The following DNAJB11 variants were observed in gnomAD, a reference collection of about 807,000 sequenced individuals.
The protein encoded by DNAJB11 is DnaJ heat shock protein family (Hsp40) member B11, also known as dnaJ homolog subfamily B member 11.
Under a neutral mutation model 47.2 loss-of-function variants are expected in DNAJB11, and 30 were observed. The ratio of observed to expected loss-of-function variants is 0.64; its 90% confidence interval spans 0.48 to 0.86. The LOEUF (loss-of-function observed/expected upper bound fraction) is 0.86, where lower values mean the gene tolerates loss of function less well. Ranked by LOEUF, DNAJB11 falls within the 40% of genes least tolerant of loss-of-function variation. The pLI, the probability that DNAJB11 is intolerant of heterozygous loss-of-function variation, is 0.00. For synonymous variants in DNAJB11, 151 were observed against 159.9 expected (o/e 0.94, Z 0.42); for missense variants, 357 against 440.2 (o/e 0.81, Z 1.69).
At position 186,584,156 on chromosome 3, in the gene DNAJB11, A is replaced by T. The variant is rs137926343; in HGVS notation, c.852+180A>T. On this transcript the variant is annotated intron_variant, in intron 8 of 9. Transcript: ENST00000265028. ...AATAACAGTGCCAGACCTTTCAGCT[A>T]CTCAGAATGGATTGCACGGCCTTTG... 1.9e-3 allele frequency among the ~76,000 whole-genome samples: 285 copies of T among 152,318 alleles called. 1 individual carries two copies. Among genetic ancestry groups the T allele is most frequent in the African/African-American group, 6.3e-3 (261 of 41,558 alleles).
intron 4 of DNAJB11, chr3:186,579,248 TCTTAA>T (rs1715402823): frequency 6.6e-6 from 1 of 152,264 alleles, no homozygotes; most frequent in African/African-American, 2.4e-5. Context: ...TTCTGTCTGC[TCTTAA>T]CTTTCTTTTA....
chr3:186,581,625 T>A, intron 5 of DNAJB11, 112 bp downstream of exon 5: 1 of 1,247,142 alleles, frequency 8.0e-7, no homozygotes. Context: ...CCCACTGCCA[T>A]GTTCTGCAAA....
chr3:186,576,325 G>A (rs908356625), intron 3 of DNAJB11, among the ~76,000 whole-genome samples: 1 of 152,178 alleles, frequency 6.6e-6, no homozygotes, highest in Non-Finnish European at 1.5e-5. Context: ...TCTCTTTCGT[G>A]CTATCAACAA....
At chr3:186,571,097 C>A in intron 1 of DNAJB11, 132 bp downstream of exon 1, 2 of 795,372 alleles carry the variant, frequency 2.5e-6, no homozygotes, top group Non-Finnish European at 3.9e-6. Flanking sequence ...GGCGGGGTGG[C>A]GGAGGAAGGG....
At chr3:186,584,077 C>T in intron 8 of DNAJB11, 101 bp downstream of exon 8, 1 of 849,572 alleles carries the variant, frequency 1.2e-6, no homozygotes, top group Non-Finnish European at 2.0e-6. Flanking sequence ...CAGATGGACT[C>T]CTTTCTTGGT....
At chr3:186,582,567 A>G (rs1715521123) in intron 6 of DNAJB11, 149 bp from the exon 7 acceptor site, 1 of 653,228 alleles carries the variant, frequency 1.5e-6, no homozygotes, top group African/African-American at 1.8e-5. Context: ...ATAATCTGAA[A>G]CTTGATACAA....
intron 4 of DNAJB11, chr3:186,579,089 T>A (rs11714927): frequency 0.48 from 72,222 of 152,038 alleles, 20,935 homozygotes; most frequent in East Asian, 0.75. Context: ...CTGAAACTCA[T>A]CTCTGGAAAA....
chr3:186,570,949 G>C lies in DNAJB11; in HGVS notation c.52G>C (p.Gly18Arg). Reference sequence around the variant, plus strand: ...TTGCCTGTTGCTGCTATACCTCATCGGGGCGGTGATTGCCGGGTGAGGAAC... The same window carrying C: ...TTGCCTGTTGCTGCTATACCTCATCCGGGCGGTGATTGCCGGGTGAGGAAC... Reference protein sequence around the residue: ...TFCLLLLYLIGAVIAGRDFYK... With the variant: ...TFCLLLLYLIRAVIAGRDFYK... Residue 18 changes from glycine to arginine, a missense_variant, in exon 1 of 10, where the codon GGG (glycine) becomes CGG (arginine). Gly to Arg is a moderately radical substitution (Grantham distance 125, BLOSUM62 -2). Transcript: ENST00000265028. 1.3e-6 allele frequency: 2 copies of C among 1,597,170 alleles called. No homozygotes were observed. The highest frequency in any genetic ancestry group is 2.3e-5 in the East Asian group (1 of 43,120).
At position 186,570,888 on chromosome 3, in the gene DNAJB11, C is replaced by G; in HGVS notation, c.-10C>G. Reference sequence around the variant, plus strand: ...GGAGTGTGTGGAACAGGACCCGGGACAGAGGAACCATGGCTCCGCAGAACC... The same window carrying G: ...GGAGTGTGTGGAACAGGACCCGGGAGAGAGGAACCATGGCTCCGCAGAACC... On this transcript the variant is annotated 5_prime_UTR_variant, in exon 1 of 10. Transcript: ENST00000265028. The G allele has an allele frequency of 1.9e-6, 3 of 1,603,572 alleles. No individual in the cohort carries two copies. The highest frequency in any genetic ancestry group is 1.1e-5 in the South Asian group (1 of 89,264).
At chr3:186,577,553 T>G in intron 3 of DNAJB11, 115 bp from the exon 4 acceptor site, 1 of 958,528 alleles carries the variant, frequency 1.0e-6, no homozygotes, top group Non-Finnish European at 1.5e-6. Flanking sequence ...CCTTGTAGTT[T>G]TGCACAATGC....
At chr3:186,581,296 G>C in intron 4 of DNAJB11, 75 bp from the exon 5 acceptor site, 1 of 1,543,782 alleles carries the variant, frequency 6.5e-7, no homozygotes, top group Non-Finnish European at 8.8e-7. Context: ...CATATGTGCA[G>C]AGCCTTGATC....
chr3:186,573,355 A>G lies in DNAJB11; in HGVS notation c.225+1104A>G, dbSNP rs181980364. Among the ~76,000 whole-genome samples, 19 of 152,146 alleles carry G rather than the reference A, an allele frequency of 1.2e-4. No individual in the cohort carries two copies. In the East Asian group the frequency reaches 2.3e-3, roughly 19 times the overall value. On this transcript the variant is annotated intron_variant, in intron 2 of 9. Coordinates refer to ENST00000265028, the MANE Select transcript of DNAJB11 (RefSeq NM_016306.6). ...GCTGTTGGGGTCCTTTCATCTTTCA[A>G]CACCTTCAGGGATCCTATGGGGCAG...
chr3:186,583,935 G>A lies in DNAJB11; in HGVS notation c.811G>A (p.Val271Ile), dbSNP rs1193228761. ...GACAATCTCATTAGTTGAGTCACTG[G>A]TTGGCTTTGAGATGGATATTACTCA... is the stretch of plus-strand genomic sequence containing the variant. ...NVTISLVESL[V>I]GFEMDITHLD... is the part of the protein sequence containing the mutation. Residue 271 changes from valine (V) to isoleucine (I), a missense_variant, in exon 8 of 10, where the codon GTT becomes ATT. By Grantham distance (29) the Val-to-Ile change is conservative (BLOSUM62 3). Coordinates refer to ENST00000265028, the MANE Select transcript of DNAJB11 (RefSeq NM_016306.6). The A allele has an allele frequency of 1.2e-6, 2 of 1,613,668 alleles. No homozygotes were observed. Among genetic ancestry groups the A allele is most frequent in the Middle Eastern group, 1.6e-4 (1 of 6,084 alleles).
At position 186,581,518 on chromosome 3, in the gene DNAJB11, G is replaced by C; in HGVS notation, c.599+5G>C. The stretch of plus-strand genomic sequence containing the variant: ...CGACGAATGCCCTAATGTCAAGTAA[G>C]TGAAAGCACCTTCTTTGTTCTACCA... On this transcript the variant is annotated splice_donor_5th_base_variant and intron_variant, in intron 5 of 9. Coordinates refer to ENST00000265028, the MANE Select transcript of DNAJB11 (RefSeq NM_016306.6). 6.2e-7 allele frequency: 1 copy of C among 1,609,518 alleles called. No homozygotes were observed. Among genetic ancestry groups the C allele is most frequent in the Non-Finnish European group, 8.5e-7 (1 of 1,178,438 alleles).
chr3:186,570,830 G>A lies in DNAJB11; in HGVS notation c.-68G>A. 1 of 1,503,462 alleles carries A rather than the reference G, an allele frequency of 6.7e-7. No homozygotes were observed. The highest frequency in any genetic ancestry group is 9.0e-7 in the Non-Finnish European group (1 of 1,105,066). 93.1% of individuals were successfully genotyped at this position (1,503,462 alleles called of 1,614,324 possible). ...GCGGCCTCACAGGGCCGGGTGGGCT[G>A]GCGAGCCGACGCGGCGGCGGAGGAG... is the stretch of plus-strand genomic sequence containing the variant. On this transcript the variant is annotated 5_prime_UTR_variant, in exon 1 of 10. Coordinates refer to ENST00000265028, the MANE Select transcript of DNAJB11 (RefSeq NM_016306.6).
At chr3:186,574,216 A>G (rs190622693) in intron 2 of DNAJB11, among the ~76,000 whole-genome samples, 1 of 152,378 alleles carries the variant, frequency 6.6e-6, no homozygotes, top group Admixed American at 6.5e-5. Context: ...AATAGTTTCC[A>G]AGACCATAGA....
chr3:186,583,145 G>T (rs1429960567), intron 7 of DNAJB11, among the ~76,000 whole-genome samples: 1 of 152,204 alleles, frequency 6.6e-6, no homozygotes, highest in African/African-American at 2.4e-5. Context: ...TCTGTAAAGA[G>T]AGCTTTTCTT....
chr3:186,581,961 T>C, intron 5 of DNAJB11, 34 bp from the exon 6 acceptor site: 1 of 1,532,596 alleles, frequency 6.5e-7, no homozygotes, highest in African/African-American at 1.4e-5. Flanking sequence ...ATATTTTCAT[T>C]ATTTTTCTCC....
chr3:186,573,069 A>G (rs1159158168), intron 2 of DNAJB11, among the ~76,000 whole-genome samples: 5 of 152,206 alleles, frequency 3.3e-5, no homozygotes, highest in African/African-American at 4.8e-5. Flanking sequence ...AATCTTCACT[A>G]GGACACCAGG....
Sources: gnomAD v4.1 joint callset for allele counts (sites outside exome capture counted in the v4.1 genomes callset) on GRCh38, gnomAD v4.1.1 for gene constraint, MANE v1.5 for transcripts, NCBI Gene and HGNC (gene_info 2026-07-23, HGNC 2026-07-21) for gene names.